SOX7: variants seen among roughly 807,000 people sequenced by gnomAD.
SOX7 encodes transcription factor SOX-7.
SOX7 carries 19 observed loss-of-function variants against 24.9 expected under a neutral mutation model. The observed-to-expected ratio is 0.76, with a 90% CI of 0.53 to 1.12. SOX7 has a LOEUF of 1.12. Ranked by LOEUF, SOX7 falls within the 50% of genes most tolerant of loss-of-function variation. The probability of loss-of-function intolerance (pLI) is 0.00; values close to 1 mark genes in which losing one functional copy is unlikely to be tolerated. For missense variants in SOX7, 702 were observed against 535.0 expected (o/e 1.31, Z -3.08); for synonymous variants, 327 against 244.5 (o/e 1.34, Z -3.15).
chr8:10,729,824 C>G (rs1279622241), intron 1 of SOX7, among the ~76,000 whole-genome samples: 1 of 152,100 alleles, frequency 6.6e-6, no homozygotes, highest in Non-Finnish European at 1.5e-5. Context: ...AACGCCTGTT[C>G]CACCCAGCCT....
At position 10,730,146 on chromosome 8, in the gene SOX7, C is replaced by G; in HGVS notation, c.238+50G>C. The stretch of plus-strand genomic sequence containing the variant: ...ACCCGCCCTGCAGTGCCGCCAGCCG[C>G]CCGCCGCCCGCCCCCGGCCCCCAGC... On this transcript the variant is annotated intron_variant, in intron 1 of 1. Coordinates refer to ENST00000304501, the MANE Select transcript of SOX7 (RefSeq NM_031439.4). The surrounding 1 kb of genome is among the most constrained non-coding windows in gnomAD (Gnocchi z 4.8). 48 of 1,263,670 alleles carry G rather than the reference C, an allele frequency of 3.8e-5. No individual in the cohort carries two copies. Among genetic ancestry groups the G allele is most frequent in the Non-Finnish European group, 4.1e-5 (40 of 970,008 alleles). 78.3% of individuals were successfully genotyped at this position (1,263,670 alleles called of 1,614,324 possible). A position where few individuals can be genotyped will look rare whatever the true frequency, so the allele number is the denominator to read the frequency against.
rs980909756 is a variant in SOX7 at position 10,723,987 on chromosome 8, G to C, written c.*1751C>G. 3 of 152,390 alleles carry C rather than the reference G, an allele frequency of 2.0e-5. No individual in the cohort carries two copies. Among genetic ancestry groups the C allele is most frequent in the Non-Finnish European group, 4.4e-5 (3 of 68,026 alleles). 9.4% of individuals were successfully genotyped at this position (152,390 alleles called of 1,614,324 possible). On this transcript the variant is annotated 3_prime_UTR_variant, in exon 2 of 2. Coordinates refer to ENST00000304501, the MANE Select transcript of SOX7 (RefSeq NM_031439.4). Reference sequence around the variant, plus strand: ...TTACCAAATGGCATATAAAGTAATAGCATAAAGAGTAATCATACCTTATAA... The same window carrying C: ...TTACCAAATGGCATATAAAGTAATACCATAAAGAGTAATCATACCTTATAA...
Position 10,726,338 on chromosome 8 carries a change from G to A in SOX7, c.567C>T (p.Gly189=), listed in dbSNP as rs941501223. 5 of 1,612,094 alleles carry A rather than the reference G, an allele frequency of 3.1e-6. No individual in the cohort carries two copies. The highest frequency in any genetic ancestry group is 1.1e-5 in the South Asian group (1 of 91,042). Residue 189 remains glycine (G), a synonymous_variant, in exon 2 of 2, where the codon GGC becomes GGT. Transcript: ENST00000304501. ...HEGPAGGGGG[G]TPSSVDTYPY... ...GGTACGTGTCCACACTGCTCGGGGT[G>A]CCGCCGCCGCCACCACCAGCCGGCC...
chr8:10,725,485 A>G lies in SOX7; in HGVS notation c.*253T>C, dbSNP rs1800123459. The G allele has an allele frequency of 5.5e-6, 3 of 542,606 alleles. No individual in the cohort carries two copies. The highest frequency in any genetic ancestry group is 6.6e-6 in the Non-Finnish European group (2 of 304,504). The allele number at this position is 542,606 out of a possible 1,614,324, so 33.6% of individuals were successfully genotyped here. ...ATTCCACTGGGAGACAGCAACTCTC[A>G]GGGGCTGGAGGAAAACTCACTTGAA... On this transcript the variant is annotated 3_prime_UTR_variant, in exon 2 of 2. Transcript: ENST00000304501.
rs754891391 is a variant in SOX7, at chr8:10,725,929, C to T, written c.976G>A (p.Asp326Asn). ...DQLSQVELLG[D>N]MDRNEFDQYL... ...TGGTCGAATTCATTGCGATCCATGT[C>T]CCCCAGGAGTTCCACCTGGCTCAGT... Residue 326 changes from aspartate to asparagine, a missense_variant, in exon 2 of 2, where the codon GAC becomes AAC. Coordinates refer to ENST00000304501, the MANE Select transcript of SOX7 (RefSeq NM_031439.4). 6.8e-6 allele frequency: 11 copies of T among 1,613,922 alleles called. No individual in the cohort carries two copies. Among genetic ancestry groups the T allele is most frequent in the East Asian group, 6.7e-5 (3 of 44,854 alleles).
chr8:10,728,160 G>C (rs755318361), intron 1 of SOX7, among the ~76,000 whole-genome samples: 1 of 152,214 alleles, frequency 6.6e-6, no homozygotes, highest in African/African-American at 2.4e-5. Context: ...CCCATACTCT[G>C]TCTGTGGTCT....
chr8:10,726,175 G>T lies in SOX7; in HGVS notation c.730C>A (p.Pro244Thr). ...TGGAGAGGGCTTGGGGCGTACTCCG[G>T]TGAGTACGGGTGCCCTGGCAGGTGG... is the stretch of plus-strand genomic sequence containing the variant. ...IPHLPGHPYS[P>T]EYAPSPLHCS... The change falls in exon 2 of 2, where the codon CCG becomes ACG. Residue 244 changes from proline (P) to threonine (T), a missense_variant. Transcript: ENST00000304501. 3 of 1,609,952 alleles carry T rather than the reference G, an allele frequency of 1.9e-6. No individual in the cohort carries two copies. The highest frequency in any genetic ancestry group is 2.5e-6 in the Non-Finnish European group (3 of 1,177,992).
Position 10,726,445 on chromosome 8 carries a change from C to A in SOX7, c.460G>T (p.Gly154Trp). The change falls in exon 2 of 2, where the codon GGG (glycine) becomes TGG (tryptophan). Residue 154 changes from glycine to tryptophan, a missense_variant. Gly to Trp is a radical substitution (Grantham distance 184, BLOSUM62 -2). Transcript: ENST00000304501. ...ALPEKRSGSR[G>W]ALGEKEDRGE... ...CTGTCCTCCTTCTCCCCCAGCGCCC[C>A]CCGGCTGCCGCTTCTCTTCTCCGGC... 6.2e-7 allele frequency: 1 copy of A among 1,612,168 alleles called. No individual in the cohort carries two copies. Among genetic ancestry groups the A allele is most frequent in the Non-Finnish European group, 8.5e-7 (1 of 1,179,702 alleles).
chr8:10,726,051 G>C lies in SOX7; in HGVS notation c.854C>G (p.Ser285Cys). Residue 285 changes from serine (S) to cysteine (C), a missense_variant, in exon 2 of 2, where the codon TCC becomes TGC. Transcript: ENST00000304501. ...PGCPPSPAYY[S>C]PATYHPLHSN... ...GTGGAGTGGGTGGTAGGTGGCCGGG[G>C]AGTAATAGGCAGGAGATGGGGGACA... The C allele has an allele frequency of 6.4e-7, 1 of 1,568,670 alleles. No homozygotes were observed. Among genetic ancestry groups the C allele is most frequent in the East Asian group, 2.2e-5 (1 of 44,526 alleles).
At position 10,725,693 on chromosome 8, in the gene SOX7, A is replaced by G. The variant is rs10110624; in HGVS notation, c.*45T>C. 1,093,629 of 1,604,902 alleles carry G rather than the reference A, an allele frequency of 0.68. 377,487 individuals are homozygous for G. The highest frequency in any genetic ancestry group is 0.82 in the African/African-American group (61,594 of 74,840). The stretch of plus-strand genomic sequence containing the variant: ...CGGCTCCTCTGCCACTCAAGGCACA[A>G]GAAGGAGAGGGCGCGAGGGCTGACC... On this transcript the variant is annotated 3_prime_UTR_variant, in exon 2 of 2. Transcript: ENST00000304501.
In SOX7 at chr8:10,730,379, G is replaced by A. The variant is rs1407201503; in HGVS notation, c.55C>T (p.Leu19=). 6 of 1,543,002 alleles carry A rather than the reference G, an allele frequency of 3.9e-6. No individual in the cohort carries two copies. Among genetic ancestry groups the A allele is most frequent in the Non-Finnish European group, 5.2e-6 (6 of 1,150,024 alleles). Residue 19 remains leucine, a synonymous_variant, in exon 1 of 2, where the codon CTG becomes TTG. Coordinates refer to ENST00000304501, the MANE Select transcript of SOX7 (RefSeq NM_031439.4). The surrounding 1 kb of genome is among the most constrained non-coding windows in gnomAD (Gnocchi z 4.8). ...TGTCCATCCGACAGCTCGGCGTCCAGGGCCGGGCACTCGAGACCCTCGGGC... is the reference window on the plus strand; with the variant it reads ...TGTCCATCCGACAGCTCGGCGTCCAAGGCCGGGCACTCGAGACCCTCGGGC... ...PWPEGLECPA[L]DAELSDGQSP...
Position 10,728,685 on chromosome 8 carries a change from C to A in SOX7, c.238+1511G>T, listed in dbSNP as rs753162289. On this transcript the variant is annotated intron_variant, in intron 1 of 1. Transcript: ENST00000304501. ...GCCCCTTTCCTGGGAGCAGGCTTCC[C>A]CAACTCTGCAGAGCCATGCTCCTCT... is the stretch of plus-strand genomic sequence containing the variant. 2.6e-4 allele frequency among the ~76,000 whole-genome samples: 40 copies of A among 152,186 alleles called. 1 individual carries two copies. Among genetic ancestry groups the A allele is most frequent in the African/African-American group, 7.2e-5 (3 of 41,440 alleles).
chr8:10,727,445 G>C (rs1800176866), intron 1 of SOX7, among the ~76,000 whole-genome samples: 1 of 152,190 alleles, frequency 6.6e-6, no homozygotes, highest in African/African-American at 2.4e-5. Context: ...CCATGCAGAA[G>C]CCATTCCCTG....
In SOX7 at chr8:10,726,162, G is replaced by C. The variant is rs1351366303; in HGVS notation, c.743C>G (p.Pro248Arg). 1 of 1,604,602 alleles carries C rather than the reference G, an allele frequency of 6.2e-7. No homozygotes were observed. The highest frequency in any genetic ancestry group is 1.1e-5 in the South Asian group (1 of 88,902). Residue 248 changes from proline (P) to arginine (R), a missense_variant, in exon 2 of 2, where the codon CCA (proline) becomes CGA (arginine). Coordinates refer to ENST00000304501, the MANE Select transcript of SOX7 (RefSeq NM_031439.4). ...PGHPYSPEYA[P>R]SPLHCSHPLG... ...GGGGTGGCTACAGTGGAGAGGGCTT[G>C]GGGCGTACTCCGGTGAGTACGGGTG...
At chr8:10,728,504 T>C (rs1800197983) in intron 1 of SOX7, among the ~76,000 whole-genome samples, 1 of 152,214 alleles carries the variant, frequency 6.6e-6, no homozygotes, top group Non-Finnish European at 1.5e-5. Flanking sequence ...GCACCAGTGT[T>C]GCGGTTTCCC....
chr8:10,729,736 T>A (rs1311133958), intron 1 of SOX7: 1 of 152,580 alleles, frequency 6.6e-6, no homozygotes, highest in Non-Finnish European at 1.5e-5. Context: ...TAATTTCATC[T>A]GTGACAGCCT....
rs1174229563 is a variant in SOX7 at position 10,730,251 on chromosome 8, T to A, written c.183A>T (p.Lys61Asn). The change falls in exon 1 of 2, where the codon AAA becomes AAT. Residue 61 changes from lysine to asparagine, a missense_variant. Transcript: ENST00000304501. This position sits in a 1 kb window ranked among gnomAD's most constrained non-coding sequence, Gnocchi z 4.8. The part of the protein sequence containing the change: ...AFMVWAKDER[K>N]RLAVQNPDLH... ...GGTCCGGGTTCTGCACTGCCAGCCG[T>A]TTCCTCTCGTCCTTGGCCCAAACCA... is the stretch of plus-strand genomic sequence containing the variant. 6.4e-7 allele frequency: 1 copy of A among 1,572,616 alleles called. No individual in the cohort carries two copies. Among genetic ancestry groups the A allele is most frequent in the Non-Finnish European group, 8.6e-7 (1 of 1,161,092 alleles).
At position 10,726,399 on chromosome 8, in the gene SOX7, G is replaced by C. The variant is rs4841433; in HGVS notation, c.506C>G (p.Thr169Ser). ...GCAGCCCCGGAGGCTGGGCAGGGCA[G>C]TGCCGGGGGAGTACTCACCCCTGTC... is the stretch of plus-strand genomic sequence containing the variant. ...KEDRGEYSPG[T>S]ALPSLRGCYH... Residue 169 changes from threonine to serine, a missense_variant, in exon 2 of 2, where the codon ACT becomes AGT. Coordinates refer to ENST00000304501, the MANE Select transcript of SOX7 (RefSeq NM_031439.4). 9.1e-3 allele frequency: 14,671 copies of C among 1,612,128 alleles called. 848 individuals are homozygous for C. In the East Asian group the frequency reaches 0.13, roughly 15 times the overall value.
In SOX7 at chr8:10,726,279, G is replaced by C. The variant is rs1476206982; in HGVS notation, c.626C>G (p.Pro209Arg). The C allele has an allele frequency of 6.2e-7, 1 of 1,613,772 alleles. No homozygotes were observed. The highest frequency in any genetic ancestry group is 8.5e-7 in the Non-Finnish European group (1 of 1,179,978). The part of the protein sequence containing the change: ...YGLPTPPEMS[P>R]LDVLEPEQTF... Reference sequence around the variant, plus strand: ...CTGCTCCGGCTCCAGCACGTCCAGGGGAGACATTTCAGGAGGTGTGGGCAG... The same window carrying C: ...CTGCTCCGGCTCCAGCACGTCCAGGCGAGACATTTCAGGAGGTGTGGGCAG... The change falls in exon 2 of 2, where the codon CCC (proline) becomes CGC (arginine). Residue 209 changes from proline to arginine, a missense_variant. Coordinates refer to ENST00000304501, the MANE Select transcript of SOX7 (RefSeq NM_031439.4).
Sources: allele counts gnomAD v4.1 joint callset (sites outside exome capture counted in the v4.1 genomes callset), GRCh38; gene constraint gnomAD v4.1.1; non-coding constraint Gnocchi (gnomAD v3.1); transcripts MANE v1.5; gene names NCBI Gene and HGNC (gene_info 2026-07-23, HGNC 2026-07-21).